Variants in NOX4 observed in about 807,000 individuals in gnomAD.
NOX4 encodes the protein NADPH oxidase 4.
Under a neutral mutation model 87.6 loss-of-function variants are expected in NOX4, and 69 were observed. That is an observed-to-expected ratio of 0.79 (90% CI 0.65 to 0.96). The LOEUF (loss-of-function observed/expected upper bound fraction) is 0.96. NOX4 is among the 40% of genes least tolerant of loss of function. NOX4 has a pLI of 0.00. For missense variants in NOX4, 680 were observed against 681.5 expected (o/e 1.00, Z 0.02); for synonymous variants, 275 against 238.2 (o/e 1.15, Z -1.42).
intron 12 of NOX4, among the ~76,000 whole-genome samples, chr11:89,359,943 C>T (rs1938389408): frequency 1.3e-5 from 2 of 151,960 alleles, no homozygotes; most frequent in South Asian, 4.1e-4. Flanking sequence ...TCACATTATA[C>T]TAATTTGCCA....
chr11:89,500,902 C>G (rs146320472), upstream of NOX4, among the ~76,000 whole-genome samples: 39 of 152,118 alleles, frequency 2.6e-4, 1 homozygote, highest in East Asian at 7.0e-3. Flanking sequence ...AAATTGGTTC[C>G]TGCAAGTGGG....
chr11:89,461,159 G>C (rs990331796), intron 2 of NOX4, among the ~76,000 whole-genome samples: 80 of 152,122 alleles, frequency 5.3e-4, no homozygotes, highest in African/African-American at 1.8e-3. Flanking sequence ...GGCCTGTTGT[G>C]GGGTGGGGGG....
At chr11:89,471,463 G>A (rs752969837) in intron 2 of NOX4, among the ~76,000 whole-genome samples, 3 of 152,036 alleles carry the variant, frequency 2.0e-5, no homozygotes, top group Non-Finnish European at 4.4e-5. Flanking sequence ...TCAAAGCTAT[G>A]GTAAGCATAT....
At chr11:89,332,555 A>G (rs1446903833) in intron 17 of NOX4, among the ~76,000 whole-genome samples, 1 of 151,936 alleles carries the variant, frequency 6.6e-6, no homozygotes. Context: ...TTTCAAAATA[A>G]TTAGTTATTA....
At chr11:89,583,245 T>C in the NOX4 span, among the ~76,000 whole-genome samples, 12 of 152,068 alleles carry the variant, frequency 7.9e-5, no homozygotes, top group African/African-American at 2.9e-4. Context: ...CATTCTGATG[T>C]CTGAGAAAAA....
chr11:89,481,373 A>C (rs750802438), intron 2 of NOX4, among the ~76,000 whole-genome samples: 3 of 135,612 alleles, frequency 2.2e-5, no homozygotes, highest in Non-Finnish European at 4.6e-5. Context: ...AGTAATAGTT[A>C]TCAATTTGCT....
chr11:89,542,952 A>C, the NOX4 span, among the ~76,000 whole-genome samples: 1 of 152,192 alleles, frequency 6.6e-6, no homozygotes, highest in Admixed American at 6.5e-5. Context: ...ATTCTGTTGG[A>C]GGAGCAGACC....
intron 8 of NOX4, among the ~76,000 whole-genome samples, chr11:89,412,626 C>T (rs1338243773): frequency 3.3e-5 from 5 of 151,844 alleles, no homozygotes; most frequent in African/African-American, 9.7e-5. Flanking sequence ...AATGGAAATA[C>T]AACATGCCAG....
rs1029750058 is a variant in NOX4 at position 89,399,448 on chromosome 11, T to C, written c.1074+569A>G. ...AAGAAATTAAATATATATATATATA[T>C]ATATATATATATATATATATATATT... On this transcript the variant is annotated intron_variant, in intron 11 of 17. Coordinates refer to ENST00000263317, the MANE Select transcript of NOX4 (RefSeq NM_016931.5). Among the ~76,000 whole-genome samples the C allele has an allele frequency of 2.0e-4, 27 of 138,430 alleles. 1 individual carries two copies. Among genetic ancestry groups the C allele is most frequent in the Non-Finnish European group, 3.9e-4 (25 of 64,102 alleles). 90.8% of individuals were successfully genotyped at this position (138,430 alleles called of 152,430 possible).
At chr11:89,445,905 C>T (rs1944680627) in intron 4 of NOX4, among the ~76,000 whole-genome samples, 2 of 152,034 alleles carry the variant, frequency 1.3e-5, no homozygotes, top group South Asian at 2.1e-4. Flanking sequence ...CTGCAAAAGA[C>T]GTTTTGAACA....
At chr11:89,438,531 TTAC>T (rs1944218031) in intron 6 of NOX4, among the ~76,000 whole-genome samples, 1 of 92,306 alleles carries the variant, frequency 1.1e-5, no homozygotes, top group African/African-American at 4.8e-5. Context: ...ATACTATATA[TTAC>T]ACACTATATA....
chr11:89,514,911 C>T, the NOX4 span, among the ~76,000 whole-genome samples: 4 of 151,930 alleles, frequency 2.6e-5, no homozygotes, highest in Non-Finnish European at 2.9e-5. Context: ...ATTTTTCAAA[C>T]TCATGCATGC....
chr11:89,418,476 G>A (rs1057113411), intron 8 of NOX4, among the ~76,000 whole-genome samples: 13 of 148,966 alleles, frequency 8.7e-5, no homozygotes, highest in African/African-American at 3.2e-4. Flanking sequence ...TTACAGGGTT[G>A]TTAGGAGGAT....
chr11:89,337,605 T>G, intron 15 of NOX4, 90 bp from the exon 16 acceptor site: 1 of 1,545,720 alleles, frequency 6.5e-7, no homozygotes, highest in Non-Finnish European at 8.8e-7. Flanking sequence ...TTCTAGAATT[T>G]AACACAACCT....
At chr11:89,484,744 A>T (rs1195414019) in intron 2 of NOX4, among the ~76,000 whole-genome samples, 1 of 152,186 alleles carries the variant, frequency 6.6e-6, no homozygotes, top group Non-Finnish European at 1.5e-5. Flanking sequence ...AATTTCATCA[A>T]AGAAATATAA....
At position 89,337,428 on chromosome 11, in the gene NOX4, G is replaced by T. The variant is rs779789150; in HGVS notation, c.1515+19C>A. ...TTATCAAGAGGCTTGTTTAATTTAC[G>T]ATAACATCAACCACATACCTGTATC... On this transcript the variant is annotated intron_variant, in intron 16 of 17. Coordinates refer to ENST00000263317, the MANE Select transcript of NOX4 (RefSeq NM_016931.5). 1.9e-6 allele frequency: 3 copies of T among 1,610,760 alleles called. No homozygotes were observed. The highest frequency in any genetic ancestry group is 1.1e-5 in the South Asian group (1 of 90,858).
the NOX4 span, chr11:89,533,895 C>G: frequency 2.0e-5 from 3 of 152,202 alleles, no homozygotes; most frequent in East Asian, 3.9e-4. Flanking sequence ...AAACAGACGA[C>G]TATGGTGATG....
intron 12 of NOX4, among the ~76,000 whole-genome samples, chr11:89,357,155 A>G (rs1252013753): frequency 6.6e-6 from 1 of 152,160 alleles, no homozygotes; most frequent in Non-Finnish European, 1.5e-5. Context: ...AGCAGAATGT[A>G]TATTTTATCT....
At chr11:89,463,670 T>C (rs1419206248) in intron 2 of NOX4, among the ~76,000 whole-genome samples, 2 of 148,028 alleles carry the variant, frequency 1.4e-5, no homozygotes, top group African/African-American at 5.3e-5. Flanking sequence ...AGGAAAGCAG[T>C]AATTTTCATT....
Sources: allele counts gnomAD v4.1 joint callset (sites outside exome capture counted in the v4.1 genomes callset), GRCh38; gene constraint gnomAD v4.1.1; transcripts MANE v1.5; gene names NCBI Gene and HGNC (gene_info 2026-07-23, HGNC 2026-07-21).